Variants in NHS observed in about 807,000 individuals in gnomAD.
The protein encoded by NHS is actin remodeling regulator NHS.
NHS carries 5 observed loss-of-function variants against 72.5 expected under a neutral mutation model. The observed-to-expected ratio is 0.07, with a 90% CI of 0.04 to 0.14. The LOEUF is 0.14. NHS is among the 10% of genes least tolerant of loss of function. The probability of loss-of-function intolerance (pLI) is 1.00; values close to 1 mark genes in which losing one functional copy is unlikely to be tolerated. For synonymous variants in NHS, 464 were observed against 547.7 expected, an observed-to-expected ratio of 0.85 and a Z score of 2.13; for missense variants, 1,072 against 1,355.7, an observed-to-expected ratio of 0.79 and a Z score of 3.29.
intron 1 of NHS, among the ~76,000 whole-genome samples, chrX:17,420,990 A>C (rs1601698460): frequency 1.8e-5 from 2 of 111,171 alleles, no homozygotes; most frequent in East Asian, 5.7e-4. Flanking sequence ...CAGGTGTTAC[A>C]TGAAGGGGGC....
rs2066506496 is a variant in NHS at position 17,734,136 on chromosome X, T to C, written c.*1672T>C. 1 of 111,634 alleles carries C rather than the reference T, an allele frequency of 9.0e-6. No individual in the cohort carries two copies. The highest frequency in any genetic ancestry group is 1.9e-5 in the Non-Finnish European group (1 of 53,097). The allele number at this position is 111,634 out of a possible 1,213,427, so 9.2% of individuals were successfully genotyped here. On this transcript the variant is annotated 3_prime_UTR_variant, in exon 9 of 9. Coordinates refer to ENST00000676302, the MANE Select transcript of NHS (RefSeq NM_001291867.2). ...GACTTATAAAAGACTAGAATGTGATTAGAGTGATAGAACATACCAATGTTA... is the reference window on the plus strand; with the variant it reads ...GACTTATAAAAGACTAGAATGTGATCAGAGTGATAGAACATACCAATGTTA...
At chrX:17,538,029 C>A (rs1447243432) in intron 1 of NHS, among the ~76,000 whole-genome samples, 1 of 111,894 alleles carries the variant, frequency 8.9e-6, no homozygotes, top group Non-Finnish European at 1.9e-5. Context: ...GCCTCCAGTG[C>A]CCCCATCTTG....
chrX:17,659,876 G>T (rs2065974630), intron 1 of NHS, among the ~76,000 whole-genome samples: 1 of 111,864 alleles, frequency 8.9e-6, no homozygotes, highest in Non-Finnish European at 1.9e-5. Context: ...CTTGCCCAAG[G>T]TTTTACGGCA....
intron 3 of NHS, among the ~76,000 whole-genome samples, chrX:17,717,719 T>C (rs1031125562): frequency 1.8e-4 from 20 of 112,075 alleles, no homozygotes; most frequent in African/African-American, 6.2e-4. Context: ...GGGGGCCTTC[T>C]GAGTGCAGGG....
chrX:17,441,932 G>A (rs1185110567), intron 1 of NHS, among the ~76,000 whole-genome samples: 2 of 112,090 alleles, frequency 1.8e-5, no homozygotes, highest in Non-Finnish European at 3.8e-5. Flanking sequence ...TTGAATGAGC[G>A]TCGGAATCAC....
intron 1 of NHS, among the ~76,000 whole-genome samples, chrX:17,460,916 G>T (rs186809391): frequency 8.9e-6 from 1 of 112,072 alleles, no homozygotes; most frequent in Admixed American, 9.4e-5. Context: ...CAAGCCCAGG[G>T]AGTCTGACCT....
rs1330862936 is a variant in NHS, at chrX:17,597,281, G to A, written c.566-90461G>A. Among the ~76,000 whole-genome samples the A allele has an allele frequency of 2.7e-5, 3 of 109,142 alleles. No homozygotes were observed. In the Admixed American group the frequency reaches 2.9e-4, roughly 11 times the overall value. 94.8% of individuals were successfully genotyped at this position (109,142 alleles called of 115,157 possible). On this transcript the variant is annotated intron_variant, in intron 1 of 8. Transcript: ENST00000676302. ...ACTACAGGCGCCCGCTACCATGCCTGGCTAATTTTATTTTTTTGTATTTTT... is the reference window on the plus strand; with the variant it reads ...ACTACAGGCGCCCGCTACCATGCCTAGCTAATTTTATTTTTTTGTATTTTT...
intron 1 of NHS, among the ~76,000 whole-genome samples, chrX:17,411,381 C>T (rs1242630611): frequency 9.0e-6 from 1 of 111,645 alleles, no homozygotes; most frequent in African/African-American, 3.3e-5. Context: ...ATTACACTTG[C>T]TCTAGGTTGA....
At chrX:17,617,956 G>C (rs924767561) in intron 1 of NHS, among the ~76,000 whole-genome samples, 1 of 112,095 alleles carries the variant, frequency 8.9e-6, no homozygotes, top group African/African-American at 3.2e-5. Context: ...GCTATGGCGG[G>C]AATTACAGCT....
At chrX:17,514,233 A>C (rs893622959) in intron 1 of NHS, among the ~76,000 whole-genome samples, 7 of 112,444 alleles carry the variant, frequency 6.2e-5, no homozygotes, top group African/African-American at 2.3e-4. Context: ...GGTGTTACCA[A>C]AGGAGATTAA....
At chrX:17,637,756 A>C (rs1174158037) in intron 1 of NHS, among the ~76,000 whole-genome samples, 1 of 112,143 alleles carries the variant, frequency 8.9e-6, no homozygotes, top group Non-Finnish European at 1.9e-5. Context: ...GGAATCTCAA[A>C]GGGAGTTCTA....
At chrX:17,430,166 C>T (rs1378049245) in intron 1 of NHS, among the ~76,000 whole-genome samples, 1 of 77,689 alleles carries the variant, frequency 1.3e-5, no homozygotes, top group African/African-American at 5.0e-5. Context: ...TTTCTCCTTC[C>T]TTCCCTTCTT....
At chrX:17,463,772 A>AG (rs753403523) in intron 1 of NHS, among the ~76,000 whole-genome samples, 3 of 112,340 alleles carry the variant, frequency 2.7e-5, no homozygotes, top group Non-Finnish European at 5.6e-5. Context: ...CTAAAGATCC[A>AG]GGGGAAATTG....
At chrX:17,457,371 A>G (rs1407028151) in intron 1 of NHS, among the ~76,000 whole-genome samples, 3 of 111,431 alleles carry the variant, frequency 2.7e-5, no homozygotes, top group African/African-American at 9.8e-5. Context: ...TTCTACTCGT[A>G]GTGGAAGGTG....
chrX:17,488,989 T>C (rs916279388), intron 1 of NHS, among the ~76,000 whole-genome samples: 1 of 111,160 alleles, frequency 9.0e-6, no homozygotes, highest in African/African-American at 3.3e-5. Context: ...CCCCTCCCTG[T>C]GTTCATGTGT....
At chrX:17,569,842 TG>T (rs1035133802) in intron 1 of NHS, among the ~76,000 whole-genome samples, 2 of 112,264 alleles carry the variant, frequency 1.8e-5, no homozygotes, top group African/African-American at 6.5e-5. Context: ...AGTTGATTTT[TG>T]TATAAGGTGT....
intron 1 of NHS, among the ~76,000 whole-genome samples, chrX:17,665,115 C>A (rs943056592): frequency 1.8e-5 from 2 of 108,521 alleles, no homozygotes; most frequent in Non-Finnish European, 3.8e-5. Flanking sequence ...TTGTATCCAG[C>A]GACTTTTCTA....
chrX:17,540,142 C>T (rs1054871208), intron 1 of NHS, among the ~76,000 whole-genome samples: 2 of 111,897 alleles, frequency 1.8e-5, no homozygotes, highest in Admixed American at 1.9e-4. Flanking sequence ...CTTTCTCATT[C>T]GTTAATAATC....
intron 1 of NHS, among the ~76,000 whole-genome samples, chrX:17,665,906 C>G (rs1023426944): frequency 1.8e-5 from 2 of 111,939 alleles, no homozygotes; most frequent in Non-Finnish European, 3.8e-5. Flanking sequence ...TTTTCTGTTT[C>G]ATCTAAGTTG....
Sources: allele counts gnomAD v4.1 joint callset (sites outside exome capture counted in the v4.1 genomes callset), GRCh38; gene constraint gnomAD v4.1.1; transcripts MANE v1.5; gene names NCBI Gene and HGNC (gene_info 2026-07-23, HGNC 2026-07-21).